Variants in MBTD1 observed in about 807,000 individuals in gnomAD.
MBTD1 encodes the protein mbt domain containing 1.
MBTD1 carries 24 observed loss-of-function variants against 87.8 expected under a neutral mutation model. That is an observed-to-expected ratio of 0.27 (90% CI 0.20 to 0.38). The LOEUF (loss-of-function observed/expected upper bound fraction) is 0.38, where lower values mean the gene tolerates loss of function less well. MBTD1 is among the 10% of genes least tolerant of loss of function. The probability of loss-of-function intolerance (pLI) is 1.00; values close to 1 mark genes in which losing one functional copy is unlikely to be tolerated. For missense variants in MBTD1, 436 were observed against 760.2 expected, an observed-to-expected ratio of 0.57 and a Z score of 5.02; for synonymous variants, 237 against 248.6, an observed-to-expected ratio of 0.95 and a Z score of 0.44.
chr17:51,259,326 C>G (rs1421676479), intron 1 of MBTD1, 120 bp from the exon 2 acceptor site: 1 of 1,114,774 alleles, frequency 9.0e-7, no homozygotes, highest in Non-Finnish European at 1.1e-6. Context: ...ACTCCCACCT[C>G]TCCCGCACGT....
intron 2 of MBTD1, among the ~76,000 whole-genome samples, chr17:51,227,376 T>C (rs2053290920): frequency 6.6e-6 from 1 of 151,104 alleles, no homozygotes; most frequent in Non-Finnish European, 1.5e-5. Flanking sequence ...GCCTGGGCAA[T>C]ATGGCAAAAC....
intron 15 of MBTD1, 27 bp from the exon 16 acceptor site, chr17:51,192,307 A>G: frequency 6.8e-7 from 1 of 1,465,842 alleles, no homozygotes; most frequent in South Asian, 1.2e-5. Flanking sequence ...GAAAATTGGT[A>G]CTAGATAATT....
chr17:51,188,288 T>G (rs1013965382), intron 16 of MBTD1, among the ~76,000 whole-genome samples: 1 of 152,204 alleles, frequency 6.6e-6, no homozygotes. Flanking sequence ...CTATGATCCT[T>G]CTGGCAGAAC....
chr17:51,232,026 C>T (rs1310771600), intron 2 of MBTD1, among the ~76,000 whole-genome samples: 1 of 151,912 alleles, frequency 6.6e-6, no homozygotes, highest in Non-Finnish European at 1.5e-5. Context: ...TCTGCAACTT[C>T]ATTAAAAGGA....
Position 51,179,488 on chromosome 17 carries a change from A to ATATATATATATATATATATATT in MBTD1, c.*1087_*1088insAATATATATATATATATATATA, listed in dbSNP as rs2050207626. The ATATATATATATATATATATATT allele has an allele frequency of 2.7e-4, 5 of 18,462 alleles. No homozygotes were observed. Among genetic ancestry groups the ATATATATATATATATATATATT allele is most frequent in the Non-Finnish European group, 3.4e-4 (3 of 8,882 alleles). The allele number at this position is 18,462 out of a possible 1,614,324, so 1.1% of individuals were successfully genotyped here. ...TGAATACAATTAAAGACAATTTTAT[A>ATATATATATATATATATATATT]TATATATATATATATATATATATAT... is the stretch of plus-strand genomic sequence containing the variant. On this transcript the variant is annotated 3_prime_UTR_variant, in exon 17 of 17. Transcript: ENST00000586178.
chr17:51,187,393 C>T (rs1465165914), intron 16 of MBTD1, among the ~76,000 whole-genome samples: 1 of 138,358 alleles, frequency 7.2e-6, no homozygotes, highest in African/African-American at 2.7e-5. Context: ...TAAAGTGAGA[C>T]CTTGTCTCAA....
intron 16 of MBTD1, among the ~76,000 whole-genome samples, chr17:51,188,639 A>G (rs1329747430): frequency 6.6e-6 from 1 of 152,178 alleles, no homozygotes; most frequent in African/African-American, 2.4e-5. Context: ...AAACTTTCTA[A>G]CAAACTGCTG....
At chr17:51,224,943 A>C in intron 3 of MBTD1, 65 bp downstream of exon 3, 1 of 1,045,724 alleles carries the variant, frequency 9.6e-7, no homozygotes, top group Non-Finnish European at 1.3e-6. Flanking sequence ...ATGACAGAAG[A>C]AACCAAATGA....
chr17:51,224,928 G>T (rs746069768), intron 3 of MBTD1, 80 bp downstream of exon 3: 3 of 841,602 alleles, frequency 3.6e-6, no homozygotes, highest in Non-Finnish European at 5.0e-6. Context: ...TCTAAGGAAG[G>T]GGAAATGACA....
chr17:51,249,094 C>A (rs372802982), intron 2 of MBTD1, among the ~76,000 whole-genome samples: 59 of 132,576 alleles, frequency 4.5e-4, no homozygotes, highest in South Asian at 4.7e-4. Flanking sequence ...CTACAATAAG[C>A]AAAAAAAAAA....
intron 6 of MBTD1, among the ~76,000 whole-genome samples, chr17:51,217,021 C>T (rs538302361): frequency 5.9e-5 from 9 of 151,732 alleles, no homozygotes; most frequent in Non-Finnish European, 1.2e-4. Context: ...GGCAACACAG[C>T]GAGACCATGT....
rs2050248908 is a variant in MBTD1 at position 51,180,099 on chromosome 17, A to C, written c.*477T>G. The C allele has an allele frequency of 6.5e-6, 1 of 154,920 alleles. No individual in the cohort carries two copies. The highest frequency in any genetic ancestry group is 6.5e-5 in the Admixed American group (1 of 15,380). The allele number at this position is 154,920 out of a possible 1,614,324, so 9.6% of individuals were successfully genotyped here. On this transcript the variant is annotated 3_prime_UTR_variant, in exon 17 of 17. Transcript: ENST00000586178. ...ACCCCTCCATGAGGAGTTCAGTTGC[A>C]TATTTCTGCAGCAAAAGAAGCTGGA...
Position 51,225,162 on chromosome 17 carries a change from C to T in MBTD1, c.-1G>A, listed in dbSNP as rs2053137300. 1 of 1,541,442 alleles carries T rather than the reference C, an allele frequency of 6.5e-7. No homozygotes were observed. The highest frequency in any genetic ancestry group is 2.1e-5 in the Admixed American group (1 of 48,340). ...TGCAGCTATCATAACCGTCAAACAT[C>T]CCGAAAGAATCTCTTCTTTTCCTTT... is the stretch of plus-strand genomic sequence containing the variant. On this transcript the variant is annotated 5_prime_UTR_variant, in exon 3 of 17. Transcript: ENST00000586178.
chr17:51,247,589 T>C (rs2054523017), intron 2 of MBTD1, among the ~76,000 whole-genome samples: 2 of 152,086 alleles, frequency 1.3e-5, no homozygotes, highest in South Asian at 2.1e-4. Flanking sequence ...GCTGGGACTA[T>C]AGGCACAGGC....
intron 2 of MBTD1, among the ~76,000 whole-genome samples, chr17:51,258,077 T>C (rs1401932922): frequency 1.4e-5 from 2 of 143,296 alleles, no homozygotes; most frequent in Non-Finnish European, 3.1e-5. Context: ...AAATGAAAAA[T>C]AAAATAACAG....
At chr17:51,205,172 T>C (rs2051747141) in intron 7 of MBTD1, among the ~76,000 whole-genome samples, 1 of 152,228 alleles carries the variant, frequency 6.6e-6, no homozygotes, top group South Asian at 2.1e-4. Flanking sequence ...GTCAGCATTT[T>C]CATGTTTGTG....
intron 1 of MBTD1, among the ~76,000 whole-genome samples, chr17:51,259,451 C>T (rs1183442301): frequency 6.6e-6 from 1 of 152,166 alleles, no homozygotes; most frequent in East Asian, 1.9e-4. Flanking sequence ...TGCTCCCCCT[C>T]CCCGCCAAGA....
At chr17:51,248,441 C>A (rs988723643) in intron 2 of MBTD1, among the ~76,000 whole-genome samples, 1 of 152,128 alleles carries the variant, frequency 6.6e-6, no homozygotes, top group Non-Finnish European at 1.5e-5. Flanking sequence ...TTCCCTTTTA[C>A]CCATTAAACT....
chr17:51,217,363 T>G lies in MBTD1; in HGVS notation c.457A>C (p.Ile153Leu). ...TTAAAACAGGTAACCGGAGCTGCTA[T>G]AAAGCTATTGCTATTGATGTAGTTA... Reference protein sequence around the residue: ...WGNYINSNSFIAAPVTCFKHA... With the variant: ...WGNYINSNSFLAAPVTCFKHA... The change falls in exon 6 of 17, where the codon ATA becomes CTA. Residue 153 changes from isoleucine (I) to leucine (L), a missense_variant. Ile to Leu is a conservative substitution (Grantham distance 5). This residue lies in a region of MBTD1 where 268 missense variants were observed against 401.8 expected (regional missense o/e 0.67). Coordinates refer to ENST00000586178, the MANE Select transcript of MBTD1 (RefSeq NM_017643.3). 1.3e-6 allele frequency: 2 copies of G among 1,540,952 alleles called. No homozygotes were observed. The highest frequency in any genetic ancestry group is 1.8e-6 in the Non-Finnish European group (2 of 1,142,806).
Sources: gnomAD v4.1 joint callset for allele counts (sites outside exome capture counted in the v4.1 genomes callset) on GRCh38, gnomAD v4.1.1 for gene constraint, gnomAD v4.1.1 regional missense constraint, MANE v1.5 for transcripts, NCBI Gene and HGNC (gene_info 2026-07-23, HGNC 2026-07-21) for gene names.